The following PCDH9 variants were observed in gnomAD, a reference collection of about 807,000 sequenced individuals.
The protein encoded by PCDH9 is protocadherin 9.
PCDH9 carries 24 observed loss-of-function variants against 70.6 expected under a neutral mutation model. That is an observed-to-expected ratio of 0.34 (90% CI 0.25 to 0.48). The LOEUF is 0.48. Ranked by LOEUF, PCDH9 falls within the 20% of genes least tolerant of loss-of-function variation. PCDH9 has a pLI of 0.99. For synonymous variants in PCDH9, 562 were observed against 558.5 expected, an observed-to-expected ratio of 1.01 and a Z score of -0.09; for missense variants, 1,281 against 1,503.6, an observed-to-expected ratio of 0.85 and a Z score of 2.45.
intron 2 of PCDH9, among the ~76,000 whole-genome samples, chr13:67,166,036 G>A (rs1041984582): frequency 6.6e-6 from 1 of 152,072 alleles, no homozygotes; most frequent in African/African-American, 2.4e-5. Flanking sequence ...TTTCTCTTGA[G>A]TTAAAAAAGT....
At chr13:66,896,761 T>G (rs767233391) in intron 3 of PCDH9, among the ~76,000 whole-genome samples, 6 of 152,190 alleles carry the variant, frequency 3.9e-5, no homozygotes, top group Non-Finnish European at 8.8e-5. Context: ...CAGTTTTGCA[T>G]TTTGAACCAG....
intron 2 of PCDH9, among the ~76,000 whole-genome samples, chr13:67,064,647 C>A (rs968334257): frequency 5.9e-5 from 9 of 152,066 alleles, no homozygotes; most frequent in Non-Finnish European, 1.3e-4. Flanking sequence ...TTACAATAAT[C>A]CTAGCCTACT....
chr13:66,782,654 A>G (rs930809132), intron 3 of PCDH9: 1 of 152,194 alleles, frequency 6.6e-6, no homozygotes, highest in Non-Finnish European at 1.5e-5. Context: ...TATTTTCGCC[A>G]TTCCTTTTAT....
At chr13:66,832,513 T>C (rs1054281561) in intron 3 of PCDH9, among the ~76,000 whole-genome samples, 9 of 152,044 alleles carry the variant, frequency 5.9e-5, no homozygotes, top group African/African-American at 1.9e-4. Context: ...TTCAAACACA[T>C]CTATATATGT....
chr13:66,625,918 C>T (rs1018290249), intron 4 of PCDH9, among the ~76,000 whole-genome samples: 1 of 152,054 alleles, frequency 6.6e-6, no homozygotes, highest in African/African-American at 2.4e-5. Context: ...TCCTCCTCAG[C>T]CTCCCAAAGT....
chr13:66,503,061 G>A (rs1959185239), intron 4 of PCDH9, among the ~76,000 whole-genome samples: 1 of 152,020 alleles, frequency 6.6e-6, no homozygotes, highest in African/African-American at 2.4e-5. Context: ...ATGGGGGGAG[G>A]AAGGAAACAT....
At chr13:66,874,634 T>A (rs1020428192) in intron 3 of PCDH9, among the ~76,000 whole-genome samples, 1 of 151,934 alleles carries the variant, frequency 6.6e-6, no homozygotes. Flanking sequence ...GAGAAGTAAA[T>A]GAGATAAATG....
chr13:66,625,784 C>T (rs947821145), intron 4 of PCDH9, among the ~76,000 whole-genome samples: 11 of 151,800 alleles, frequency 7.2e-5, no homozygotes, highest in African/African-American at 2.7e-4. Context: ...CCTCAGCCTC[C>T]TGAGTAGCTG....
chr13:66,956,942 C>A (rs538992494), intron 2 of PCDH9, among the ~76,000 whole-genome samples: 6 of 152,268 alleles, frequency 3.9e-5, no homozygotes, highest in African/African-American at 1.4e-4. Flanking sequence ...GAAACCCTGG[C>A]TTCCAAGTTG....
chr13:66,768,987 T>C (rs991819760), intron 3 of PCDH9, among the ~76,000 whole-genome samples: 2 of 152,228 alleles, frequency 1.3e-5, no homozygotes, highest in African/African-American at 4.8e-5. Context: ...AGGGATTTAA[T>C]GAGAAAAATG....
chr13:67,119,475 A>T (rs1035363328), intron 2 of PCDH9, among the ~76,000 whole-genome samples: 2 of 152,146 alleles, frequency 1.3e-5, no homozygotes, highest in Non-Finnish European at 2.9e-5. Flanking sequence ...ATATTCTTAG[A>T]CATTGTCTAA....
intron 4 of PCDH9, among the ~76,000 whole-genome samples, chr13:66,609,375 T>A (rs963477826): frequency 1.3e-4 from 20 of 152,140 alleles, no homozygotes; most frequent in African/African-American, 4.6e-4. Context: ...ATAACAAAAA[T>A]TAATATTTTA....
chr13:67,195,636 G>A (rs2089043613), intron 2 of PCDH9, among the ~76,000 whole-genome samples: 5 of 151,900 alleles, frequency 3.3e-5, no homozygotes, highest in Admixed American at 3.3e-4. Flanking sequence ...TATTTCTGGG[G>A]ATATAAGAAT....
At chr13:66,638,700 T>C (rs1445922245) in intron 3 of PCDH9, among the ~76,000 whole-genome samples, 1 of 152,200 alleles carries the variant, frequency 6.6e-6, no homozygotes, top group Non-Finnish European at 1.5e-5. Flanking sequence ...TAAATATTTA[T>C]TTACTGAATG....
At chr13:66,428,675 A>G (rs1184650982) in intron 4 of PCDH9, among the ~76,000 whole-genome samples, 3 of 151,750 alleles carry the variant, frequency 2.0e-5, no homozygotes, top group African/African-American at 7.2e-5. Flanking sequence ...TCTAAAACGA[A>G]TATGTGTGAA....
chr13:66,364,893 C>G (rs999132621), intron 4 of PCDH9, among the ~76,000 whole-genome samples: 3 of 152,128 alleles, frequency 2.0e-5, no homozygotes, highest in Non-Finnish European at 4.4e-5. Flanking sequence ...AGACTCAAGT[C>G]AAATAGAGGC....
At chr13:66,802,191 T>A (rs2080337576) in intron 3 of PCDH9, among the ~76,000 whole-genome samples, 1 of 151,938 alleles carries the variant, frequency 6.6e-6, no homozygotes, top group Admixed American at 6.6e-5. Context: ...CTAGTTAGTA[T>A]TAATCAAAGT....
intron 2 of PCDH9, among the ~76,000 whole-genome samples, chr13:66,943,688 AT>A (rs2083042721): frequency 6.6e-6 from 1 of 152,074 alleles, no homozygotes; most frequent in Non-Finnish European, 1.5e-5. Context: ...GGATATGTGT[AT>A]TTATGCTTTG....
chr13:67,117,194 C>G (rs903157598), intron 2 of PCDH9, among the ~76,000 whole-genome samples: 1 of 152,104 alleles, frequency 6.6e-6, no homozygotes, highest in Non-Finnish European at 1.5e-5. Flanking sequence ...TCTGTAGATC[C>G]ACTTTTCTGT....
Sources: allele counts gnomAD v4.1 joint callset (sites outside exome capture counted in the v4.1 genomes callset), GRCh38; gene constraint gnomAD v4.1.1; transcripts MANE v1.5; gene names NCBI Gene and HGNC (gene_info 2026-07-23, HGNC 2026-07-21).